The following C20orf203 variants were observed in gnomAD, a reference collection of about 807,000 sequenced individuals.
C20orf203 encodes chromosome 20 open reading frame 203, also known as uncharacterized protein C20orf203.
A neutral mutation model predicts 15.9 loss-of-function variants in C20orf203; 16 were observed. That is an observed-to-expected ratio of 1.01 (90% CI 0.68 to 1.53). The LOEUF (loss-of-function observed/expected upper bound fraction) is 1.53. C20orf203 is among the 40% of genes most tolerant of loss of function. The pLI, the probability that C20orf203 is intolerant of heterozygous loss-of-function variation, is 0.00. For missense variants in C20orf203, 263 were observed against 247.5 expected, an observed-to-expected ratio of 1.06 and a Z score of -0.42; for synonymous variants, 98 against 97.2, an observed-to-expected ratio of 1.01 and a Z score of -0.05.
chr20:32,652,358 C>G (rs1471179608), intron 1 of C20orf203, among the ~76,000 whole-genome samples: 1 of 149,756 alleles, frequency 6.7e-6, no homozygotes, highest in South Asian at 2.1e-4. Context: ...AGCAAATACC[C>G]CTGGCATCAG....
intron 1 of C20orf203, among the ~76,000 whole-genome samples, chr20:32,664,420 G>A (rs1277628262): frequency 6.6e-6 from 1 of 152,224 alleles, no homozygotes; most frequent in Non-Finnish European, 1.5e-5. Flanking sequence ...AGTTGGGCAA[G>A]TTTAAGAACA....
At chr20:32,652,197 T>TA in intron 1 of C20orf203, among the ~76,000 whole-genome samples, 2 of 151,808 alleles carry the variant, frequency 1.3e-5, no homozygotes, top group Middle Eastern at 6.8e-3. Context: ...TAGTACCAAC[T>TA]ACTTGGGAGA....
In C20orf203 at chr20:32,650,748, G is replaced by A. The variant is rs1248301964; in HGVS notation, c.269C>T (p.Pro90Leu). The change falls in exon 4 of 6, where the codon CCA becomes CTA. Residue 90 changes from proline (P) to leucine (L), a missense_variant. Transcript: ENST00000608990. The stretch of plus-strand genomic sequence containing the variant: ...CCAAATCCTTTCCTGATAAGGGCCT[G>A]GGTGTTGCGGAGGAGGAGGCTGGCG... ...HQRQPPPPQH[P>L]GPYQERIWVG... 1.9e-5 allele frequency: 29 copies of A among 1,531,206 alleles called. No individual in the cohort carries two copies. Among genetic ancestry groups the A allele is most frequent in the Non-Finnish European group, 2.6e-5 (29 of 1,136,664 alleles). 94.9% of individuals were successfully genotyped at this position (1,531,206 alleles called of 1,614,324 possible).
chr20:32,640,751 A>C (rs1982260214), intron 4 of C20orf203, 64 bp from the exon 5 acceptor site: 1 of 152,168 alleles, frequency 6.6e-6, no homozygotes, highest in African/African-American at 2.4e-5. Flanking sequence ...GAGTATTTTC[A>C]TCATTCCCAA....
chr20:32,635,188 T>C (rs1982104180), intron 5 of C20orf203, among the ~76,000 whole-genome samples: 1 of 149,470 alleles, frequency 6.7e-6, no homozygotes, highest in South Asian at 2.1e-4. Flanking sequence ...AGTGAGACCG[T>C]GTCTCAAAAT....
At position 32,649,472 on chromosome 20, in the gene C20orf203, T is replaced by C. The variant is rs1375070802; in HGVS notation, c.*960A>G. The C allele has an allele frequency of 1.3e-5, 2 of 152,420 alleles. No homozygotes were observed. The highest frequency in any genetic ancestry group is 2.4e-5 in the African/African-American group (1 of 41,462). The allele number at this position is 152,420 out of a possible 1,614,324, so 9.4% of individuals were successfully genotyped here. A position where few individuals can be genotyped will look rare whatever the true frequency, so the allele number is the denominator to read the frequency against. On this transcript the variant is annotated 3_prime_UTR_variant, in exon 4 of 6. Coordinates refer to ENST00000608990, the MANE Select transcript of C20orf203 (RefSeq NM_182584.4). ...GAATCATAGGGGAACTAAGGCATGG[T>C]ACGGTTTGGTGGCTGGCCCAAGGCC... is the stretch of plus-strand genomic sequence containing the variant.
chr20:32,668,679 T>A (rs1464808552), intron 1 of C20orf203, among the ~76,000 whole-genome samples: 2 of 151,528 alleles, frequency 1.3e-5, no homozygotes, highest in Non-Finnish European at 2.9e-5. Context: ...CTGGGTGTGG[T>A]GGTGCATGCC....
chr20:32,646,362 C>T (rs1009875728), intron 4 of C20orf203, among the ~76,000 whole-genome samples: 9 of 151,952 alleles, frequency 5.9e-5, no homozygotes, highest in Non-Finnish European at 1.2e-4. Context: ...CATGACACCA[C>T]GCCTTGTTAA....
chr20:32,656,716 T>C (rs934988759), intron 1 of C20orf203: 1 of 151,184 alleles, frequency 6.6e-6, no homozygotes, highest in African/African-American at 2.4e-5. Flanking sequence ...AGAAAAAAAA[T>C]AGCCAGGTGT....
intron 1 of C20orf203, among the ~76,000 whole-genome samples, chr20:32,661,220 G>A (rs1982883897): frequency 6.6e-6 from 1 of 152,170 alleles, no homozygotes; most frequent in Non-Finnish European, 1.5e-5. Context: ...ATACATTTGT[G>A]GGCCTTCTCC....
intron 1 of C20orf203, chr20:32,657,012 A>C (rs191741037): frequency 3.3e-5 from 5 of 152,320 alleles, no homozygotes; most frequent in Admixed American, 2.0e-4. Flanking sequence ...AAAAAGGAGG[A>C]CTAAAGTGCT....
Position 32,673,727 on chromosome 20 carries a change from GCACATAAAACATATCTGCCTTT to G in C20orf203, c.-381_-360del, listed in dbSNP as rs1165622005. On this transcript the variant is annotated 5_prime_UTR_variant, in exon 1 of 6. The change abolishes an upstream ATG in the 5' untranslated region. Coordinates refer to ENST00000608990, the MANE Select transcript of C20orf203 (RefSeq NM_182584.4). ...CGTTTGTCTGGGAGATTCTTCAAGG[GCACATAAAACATATCTGCCTTT>G]GCTCACTGTGATGTCTCCGACGCAA... The G allele has an allele frequency of 6.6e-6, 1 of 152,326 alleles. No individual in the cohort carries two copies. The highest frequency in any genetic ancestry group is 2.4e-5 in the African/African-American group (1 of 41,444). The allele number at this position is 152,326 out of a possible 1,614,324, so 9.4% of individuals were successfully genotyped here.
At position 32,632,005 on chromosome 20, in the gene C20orf203, T is replaced by C. The variant is rs464063; in HGVS notation, c.*3565A>G. 0.48 allele frequency: 72,423 copies of C among 152,148 alleles called. 17,638 individuals are homozygous for C. The highest frequency in any genetic ancestry group is 0.52 in the African/African-American group (21,739 of 41,484). The allele number at this position is 152,148 out of a possible 1,614,324, so 9.4% of individuals were successfully genotyped here. On this transcript the variant is annotated 3_prime_UTR_variant, in exon 6 of 6. Coordinates refer to ENST00000608990, the MANE Select transcript of C20orf203 (RefSeq NM_182584.4). ...GTGGGCCCACCTCTGCCACCTCTGC[T>C]CCTTGAGGCAGGGCAGGACTTCAGA...
At chr20:32,672,104 C>CT (rs1490091681) in intron 1 of C20orf203, among the ~76,000 whole-genome samples, 85 of 152,056 alleles carry the variant, frequency 5.6e-4, no homozygotes, top group Non-Finnish European at 1.5e-5. Flanking sequence ...ATCACAAGGT[C>CT]AGGAGTTCGA....
intron 1 of C20orf203, among the ~76,000 whole-genome samples, chr20:32,654,007 T>C (rs985791587): frequency 4.0e-5 from 6 of 151,382 alleles, no homozygotes; most frequent in Non-Finnish European, 8.8e-5. Flanking sequence ...GCACAAGAAT[T>C]GCTTGAACTT....
intron 4 of C20orf203, among the ~76,000 whole-genome samples, chr20:32,643,157 T>A (rs1217622335): frequency 6.6e-6 from 1 of 152,108 alleles, no homozygotes; most frequent in East Asian, 1.9e-4. Flanking sequence ...ACCTGTGTGG[T>A]AAAGACAGGC....
Position 32,648,428 on chromosome 20 carries a change from C to CTTTT in C20orf203, c.*1177+823_*1177+826dup, listed in dbSNP as rs56838832. Among the ~76,000 whole-genome samples, 71 of 80,392 alleles carry CTTTT rather than the reference C, an allele frequency of 8.8e-4. 5 individuals are homozygous for CTTTT. The highest frequency in any genetic ancestry group is 1.4e-3 in the South Asian group (3 of 2,184). 52.7% of individuals were successfully genotyped at this position (80,392 alleles called of 152,430 possible). A position where few individuals can be genotyped will look rare whatever the true frequency, so the allele number is the denominator to read the frequency against. ...GGCACTAACCATTGCCTGAAACTGTCTTTTTTTTTTTTTTTTTTTTTTTTT... is the reference window on the plus strand; with the variant it reads ...GGCACTAACCATTGCCTGAAACTGTCTTTTTTTTTTTTTTTTTTTTTTTTTTTTT... On this transcript the variant is annotated intron_variant, in intron 4 of 5. Coordinates refer to ENST00000608990, the MANE Select transcript of C20orf203 (RefSeq NM_182584.4).
chr20:32,641,728 G>A (rs1982285836), intron 4 of C20orf203, among the ~76,000 whole-genome samples: 1 of 152,178 alleles, frequency 6.6e-6, no homozygotes, highest in Non-Finnish European at 1.5e-5. Context: ...ATAATATTGA[G>A]CACCTTTCAT....
intron 5 of C20orf203, among the ~76,000 whole-genome samples, chr20:32,637,273 C>T (rs1282285969): frequency 6.6e-6 from 1 of 152,036 alleles, no homozygotes; most frequent in African/African-American, 2.4e-5. Context: ...ATTAGCTGGG[C>T]GTGGTGGCAG....
Sources: allele counts gnomAD v4.1 joint callset (sites outside exome capture counted in the v4.1 genomes callset), GRCh38; gene constraint gnomAD v4.1.1; transcripts MANE v1.5; gene names NCBI Gene and HGNC (gene_info 2026-07-23, HGNC 2026-07-21).